The following LRP1B variants were observed in gnomAD, a reference collection of about 807,000 sequenced individuals.
The protein encoded by LRP1B is LDL receptor related protein 1B.
LRP1B carries 217 observed loss-of-function variants against 556.6 expected under a neutral mutation model. The ratio of observed to expected loss-of-function variants is 0.39; its 90% confidence interval spans 0.35 to 0.44. The LOEUF is 0.44. Ranked by LOEUF, LRP1B falls within the 20% of genes least tolerant of loss-of-function variation. The pLI is 1.00. For missense variants in LRP1B, 5,053 were observed against 5,620.8 expected, an observed-to-expected ratio of 0.90 and a Z score of 3.23; for synonymous variants, 2,047 against 1,865.8, an observed-to-expected ratio of 1.10 and a Z score of -2.50.
chr2:142,111,818 T>C (rs1706997484), intron 1 of LRP1B, among the ~76,000 whole-genome samples: 1 of 152,136 alleles, frequency 6.6e-6, no homozygotes, highest in Non-Finnish European at 1.5e-5. Flanking sequence ...CTGCTACTAA[T>C]AAACTTCCTT....
At chr2:141,220,281 A>C (rs555072755) in intron 6 of LRP1B, among the ~76,000 whole-genome samples, 1 of 152,332 alleles carries the variant, frequency 6.6e-6, no homozygotes, top group East Asian at 1.9e-4. Context: ...CAATGCAACC[A>C]CAAGTATCAA....
At chr2:141,138,690 A>G (rs1701551082) in intron 7 of LRP1B, among the ~76,000 whole-genome samples, 1 of 151,926 alleles carries the variant, frequency 6.6e-6, no homozygotes, top group Non-Finnish European at 1.5e-5. Context: ...AGACCTGGAC[A>G]TATGGACATA....
chr2:141,168,625 CA>C (rs1269745081), intron 7 of LRP1B, among the ~76,000 whole-genome samples: 1 of 151,930 alleles, frequency 6.6e-6, no homozygotes, highest in Admixed American at 6.6e-5. Flanking sequence ...TGTTTTGCTC[CA>C]AAATAGCAAC....
At chr2:140,749,883 C>A (rs1026226224) in intron 35 of LRP1B, among the ~76,000 whole-genome samples, 1 of 152,108 alleles carries the variant, frequency 6.6e-6, no homozygotes, top group Admixed American at 6.6e-5. Context: ...ACTGACAGTG[C>A]AGGTTTGTTT....
At chr2:140,982,297 A>G in intron 17 of LRP1B, 21 bp from the exon 18 acceptor site, 1 of 1,523,036 alleles carries the variant, frequency 6.6e-7, no homozygotes, top group South Asian at 1.1e-5. Context: ...CAATTAATAA[A>G]CAAAAAATCA....
intron 89 of LRP1B, among the ~76,000 whole-genome samples, chr2:140,237,021 G>A (rs373596979): frequency 6.6e-6 from 1 of 150,564 alleles, no homozygotes; most frequent in Non-Finnish European, 1.5e-5. Flanking sequence ...TTTTTGTGGC[G>A]AGAACATTAA....
At chr2:141,705,973 C>T (rs954650381) in intron 2 of LRP1B, among the ~76,000 whole-genome samples, 7 of 151,964 alleles carry the variant, frequency 4.6e-5, no homozygotes, top group African/African-American at 1.2e-4. Context: ...ATAATAGATT[C>T]GACTTCACCA....
intron 3 of LRP1B, among the ~76,000 whole-genome samples, chr2:141,432,873 TTC>T (rs1218877218): frequency 2.0e-5 from 3 of 152,002 alleles, no homozygotes; most frequent in Non-Finnish European, 4.4e-5. Context: ...TCCATTGATC[TTC>T]TCTCTCTTTT....
At chr2:140,520,697 C>G (rs1690126148) in intron 49 of LRP1B, among the ~76,000 whole-genome samples, 1 of 147,650 alleles carries the variant, frequency 6.8e-6, no homozygotes, top group Non-Finnish European at 1.5e-5. Flanking sequence ...TGTGAAAGAC[C>G]TGCAGTGAGC....
chr2:140,899,934 T>C (rs1290467770), intron 23 of LRP1B, among the ~76,000 whole-genome samples: 1 of 152,158 alleles, frequency 6.6e-6, no homozygotes, highest in Non-Finnish European at 1.5e-5. Context: ...ACTCTACTAA[T>C]CAAATTACCT....
chr2:140,852,893 G>T (rs890352696), intron 27 of LRP1B, among the ~76,000 whole-genome samples: 4 of 151,464 alleles, frequency 2.6e-5, no homozygotes, highest in Non-Finnish European at 5.9e-5. Context: ...TATTTTTATA[G>T]AACCTATCTA....
At chr2:140,990,121 C>T (rs183387132) in intron 16 of LRP1B, among the ~76,000 whole-genome samples, 92 of 152,066 alleles carry the variant, frequency 6.0e-4, no homozygotes, top group African/African-American at 2.1e-3. Context: ...GCAGGAGAAT[C>T]GCTTGAACCC....
intron 59 of LRP1B, among the ~76,000 whole-genome samples, chr2:140,475,858 C>T (rs1422081970): frequency 1.3e-5 from 2 of 151,854 alleles, no homozygotes; most frequent in African/African-American, 2.4e-5. Flanking sequence ...AACTGTATTG[C>T]TCCTTGGTCA....
intron 3 of LRP1B, among the ~76,000 whole-genome samples, chr2:141,413,046 G>A (rs1573916562): frequency 6.6e-6 from 1 of 152,108 alleles, no homozygotes; most frequent in African/African-American, 2.4e-5. Flanking sequence ...GGACAGCACA[G>A]TGAGACCCCA....
At chr2:141,450,284 G>A (rs1340181460) in intron 3 of LRP1B, among the ~76,000 whole-genome samples, 4 of 152,106 alleles carry the variant, frequency 2.6e-5, no homozygotes, top group African/African-American at 9.7e-5. Flanking sequence ...AAGAGCACAG[G>A]TTCCAGAGTC....
intron 2 of LRP1B, among the ~76,000 whole-genome samples, chr2:141,637,594 TCTC>T (rs1459116722): frequency 6.6e-6 from 1 of 152,212 alleles, no homozygotes; most frequent in African/African-American, 2.4e-5. Context: ...TCAGGTATCT[TCTC>T]CTGGTTTGCA....
chr2:141,122,340 G>A (rs1262803030), intron 7 of LRP1B, among the ~76,000 whole-genome samples: 2 of 151,184 alleles, frequency 1.3e-5, no homozygotes, highest in Non-Finnish European at 2.9e-5. Flanking sequence ...GAAAATTTTT[G>A]CAATCTACTC....
intron 66 of LRP1B, among the ~76,000 whole-genome samples, chr2:140,388,416 T>G (rs566870507): frequency 3.3e-5 from 5 of 152,264 alleles, no homozygotes; most frequent in African/African-American, 9.6e-5. Flanking sequence ...TTAATATGTT[T>G]TATATTTTTT....
chr2:141,106,296 T>C (rs1020294224), intron 7 of LRP1B, among the ~76,000 whole-genome samples: 1 of 152,194 alleles, frequency 6.6e-6, no homozygotes, highest in African/African-American at 2.4e-5. Context: ...TATTTCACTT[T>C]CGTTTTTTGG....
Sources: allele counts gnomAD v4.1 joint callset (sites outside exome capture counted in the v4.1 genomes callset), GRCh38; gene constraint gnomAD v4.1.1; transcripts MANE v1.5; gene names NCBI Gene and HGNC (gene_info 2026-07-23, HGNC 2026-07-21).